The following NDUFAF6 variants were observed in gnomAD, a reference collection of about 807,000 sequenced individuals.
The protein encoded by NDUFAF6 is NADH:ubiquinone oxidoreductase complex assembly factor 6.
Under a neutral mutation model 40.8 loss-of-function variants are expected in NDUFAF6, and 45 were observed. The observed-to-expected ratio is 1.10, with a 90% CI of 0.87 to 1.42. The LOEUF is 1.42. Among genes scored for constraint, NDUFAF6 ranks in the 40% most tolerant of loss-of-function variants. The pLI, the probability that NDUFAF6 is intolerant of heterozygous loss-of-function variation, is 0.00. For synonymous variants in NDUFAF6, 185 were observed against 155.9 expected (o/e 1.19, Z -1.39); for missense variants, 435 against 418.5 (o/e 1.04, Z -0.34).
At chr8:94,996,411 A>G (rs1826433587) in intron 2 of NDUFAF6, among the ~76,000 whole-genome samples, 1 of 152,240 alleles carries the variant, frequency 6.6e-6, no homozygotes, top group Non-Finnish European at 1.5e-5. Context: ...TGGGTTGTCT[A>G]TAACTATTTT....
intron 1 of NDUFAF6, among the ~76,000 whole-genome samples, chr8:94,976,541 G>T (rs551523311): frequency 5.3e-4 from 79 of 149,472 alleles, no homozygotes; most frequent in African/African-American, 1.9e-3. Context: ...GGGTGCGGTG[G>T]TAGGTGCCTG....
At chr8:94,944,575 C>A (rs767897635) in intron 1 of NDUFAF6, among the ~76,000 whole-genome samples, 1 of 152,228 alleles carries the variant, frequency 6.6e-6, no homozygotes, top group South Asian at 2.1e-4. Flanking sequence ...CAAGGACAAC[C>A]AACCTTGGGC....
intron 8 of NDUFAF6, among the ~76,000 whole-genome samples, chr8:95,056,106 T>G (rs1250265811): frequency 6.6e-6 from 1 of 152,216 alleles, no homozygotes; most frequent in African/African-American, 2.4e-5. Context: ...TACACACTCT[T>G]AATGTTTCTG....
chr8:94,933,382 AAAGAAGGAAGGAAG>A (rs1035841695), intron 1 of NDUFAF6, among the ~76,000 whole-genome samples: 11 of 152,332 alleles, frequency 7.2e-5, no homozygotes, highest in African/African-American at 2.6e-4. Context: ...CAACCTTGAA[AAAGAAGGAAGGAAG>A]AAGAAGGAAG....
downstream of NDUFAF6, among the ~76,000 whole-genome samples, chr8:95,060,556 C>T (rs1389734168): frequency 6.6e-6 from 1 of 152,170 alleles, no homozygotes; most frequent in Non-Finnish European, 1.5e-5. Flanking sequence ...TGAACACAAA[C>T]TCGAACAGGT....
chr8:95,023,989 C>CAAA (rs35426799), upstream of NDUFAF6, among the ~76,000 whole-genome samples: 3 of 124,378 alleles, frequency 2.4e-5, no homozygotes, highest in African/African-American at 5.7e-5. Context: ...GACTCTGTCT[C>CAAA]AAAAAAAAAA....
chr8:95,038,940 A>C (rs888249013), intron 3 of NDUFAF6, among the ~76,000 whole-genome samples: 1 of 147,808 alleles, frequency 6.8e-6, no homozygotes, highest in Non-Finnish European at 1.5e-5. Context: ...AAGTGCTGGG[A>C]TTACAGGTGT....
chr8:95,037,383 T>C (rs1199488563), intron 3 of NDUFAF6, among the ~76,000 whole-genome samples: 1 of 152,240 alleles, frequency 6.6e-6, no homozygotes, highest in East Asian at 1.9e-4. Context: ...TTTTCATTTA[T>C]TAAATATTTA....
chr8:94,937,042 G>C (rs897584401), intron 1 of NDUFAF6, among the ~76,000 whole-genome samples: 3 of 152,194 alleles, frequency 2.0e-5, no homozygotes, highest in African/African-American at 7.2e-5. Context: ...AGAAAAGACA[G>C]TCTCTGGAGT....
At chr8:94,953,184 C>T (rs1241385475), upstream of NDUFAF6, among the ~76,000 whole-genome samples, 1 of 152,040 alleles carries the variant, frequency 6.6e-6, no homozygotes, top group Non-Finnish European at 1.5e-5. Context: ...CCCGTCTCTA[C>T]TAAAAATACA....
chr8:95,075,682 G>A, exon 10 of NDUFAF6: 1 of 1,288,272 alleles, frequency 7.8e-7, no homozygotes, highest in African/African-American at 1.5e-5. Context: ...CAGCCAGCCA[G>A]CCTGGGAAAA....
At chr8:94,994,045 G>T (rs1826308472) in intron 2 of NDUFAF6, among the ~76,000 whole-genome samples, 1 of 151,994 alleles carries the variant, frequency 6.6e-6, no homozygotes, top group Non-Finnish European at 1.5e-5. Flanking sequence ...GAGAGTAAAG[G>T]GTAGGAGGAG....
At chr8:95,017,305 C>CAG (rs1827503724) in intron 2 of NDUFAF6, among the ~76,000 whole-genome samples, 1 of 152,000 alleles carries the variant, frequency 6.6e-6, no homozygotes, top group African/African-American at 2.4e-5. Flanking sequence ...AGGGGTCATA[C>CAG]AGAGGCATGT....
intron 2 of NDUFAF6, among the ~76,000 whole-genome samples, chr8:95,034,378 A>G (rs943184734): frequency 2.0e-5 from 3 of 152,138 alleles, no homozygotes; most frequent in Admixed American, 6.5e-5. Flanking sequence ...TTGATCTACC[A>G]TCTGGTTTCC....
intron 9 of NDUFAF6, among the ~76,000 whole-genome samples, chr8:95,074,414 A>ATTCACTACCTCCT (rs372947279): frequency 6.8e-6 from 1 of 147,610 alleles, no homozygotes; most frequent in Admixed American, 6.7e-5. Flanking sequence ...GGGGCCAGGG[A>ATTCACTACCTCCT]AGTGTTTGAC....
intron 1 of NDUFAF6, chr8:94,896,387 T>C (rs1447634585): frequency 2.6e-5 from 4 of 151,766 alleles, no homozygotes; most frequent in Non-Finnish European, 5.9e-5. Flanking sequence ...CCTTTATCCT[T>C]CCCCGGGTGT....
At chr8:94,903,925 CTCT>C (rs1001284636) in intron 1 of NDUFAF6, among the ~76,000 whole-genome samples, 8 of 152,078 alleles carry the variant, frequency 5.3e-5, no homozygotes, top group African/African-American at 1.7e-4. Context: ...CTGTGCCTCT[CTCT>C]TCTTAGAGAC....
At chr8:94,941,017 A>C (rs1439261758) in intron 1 of NDUFAF6, 1 of 1,089,192 alleles carries the variant, frequency 9.2e-7, no homozygotes, top group Non-Finnish European at 1.4e-6. Flanking sequence ...TAGTTGGCCC[A>C]ATGGTACCGA....
chr8:94,896,417 C>G (rs1385160612), intron 1 of NDUFAF6: 1 of 152,142 alleles, frequency 6.6e-6, no homozygotes, highest in African/African-American at 2.4e-5. Flanking sequence ...GGGGTCCCTT[C>G]GCTGCCTCTA....
Sources: gnomAD v4.1 joint callset for allele counts (sites outside exome capture counted in the v4.1 genomes callset) on GRCh38, gnomAD v4.1.1 for gene constraint, MANE v1.5 for transcripts, NCBI Gene and HGNC (gene_info 2026-07-23, HGNC 2026-07-21) for gene names.